TUT4: variants seen among roughly 807,000 people sequenced by gnomAD.
The protein encoded by TUT4 is terminal uridylyltransferase 4.
In TUT4, 36 loss-of-function variants were observed where a neutral mutation model predicts 192.2. The observed-to-expected ratio is 0.19, with a 90% CI of 0.14 to 0.25. The LOEUF (loss-of-function observed/expected upper bound fraction) is 0.25. TUT4 is among the 10% of genes least tolerant of loss of function. The pLI, the probability that TUT4 is intolerant of heterozygous loss-of-function variation, is 1.00. For missense variants in TUT4, 1,493 were observed against 1,957.2 expected (o/e 0.76, Z 4.47); for synonymous variants, 618 against 666.0 (o/e 0.93, Z 1.11).
chr1:52,526,293 T>C lies in TUT4; in HGVS notation c.-13A>G, dbSNP rs1289111304. ...TAGACTCTTCCATTATTTGAAAATC[T>C]GTTTCTTTCCAATTGTGATATTATA... On this transcript the variant is annotated 5_prime_UTR_variant, in exon 2 of 30. Transcript: ENST00000257177. The C allele has an allele frequency of 6.7e-7, 1 of 1,486,116 alleles. No homozygotes were observed. The allele number at this position is 1,486,116 out of a possible 1,614,324, so 92.1% of individuals were successfully genotyped here. A position where few individuals can be genotyped will look rare whatever the true frequency, so the allele number is the denominator to read the frequency against.
chr1:52,531,360 G>T (rs1484458266), intron 1 of TUT4, among the ~76,000 whole-genome samples: 8 of 151,916 alleles, frequency 5.3e-5, no homozygotes, highest in Admixed American at 5.3e-4. Context: ...TGGACTGGGG[G>T]GCCACACTTA....
intron 1 of TUT4, among the ~76,000 whole-genome samples, chr1:52,542,783 CAG>C (rs2149688901): frequency 6.7e-6 from 1 of 149,796 alleles, no homozygotes; most frequent in South Asian, 2.1e-4. Flanking sequence ...TTTTTTGAGG[CAG>C]AGTTTCACTC....
intron 3 of TUT4, chr1:52,515,685 A>T: frequency 1.5e-6 from 1 of 648,726 alleles, no homozygotes; most frequent in Non-Finnish European, 2.7e-6. Flanking sequence ...GAATGAAGTC[A>T]GACTCACAGA....
intron 11 of TUT4, among the ~76,000 whole-genome samples, chr1:52,478,408 A>G (rs868587401): frequency 2.2e-4 from 34 of 152,220 alleles, no homozygotes; most frequent in African/African-American, 7.7e-4. Context: ...TATGTCCCTG[A>G]CATTGTTAGG....
rs1398487590 is a variant in TUT4, at chr1:52,438,333, C to T, written c.3825G>A (p.Glu1275=). 1.9e-6 allele frequency: 3 copies of T among 1,603,868 alleles called. No individual in the cohort carries two copies. The highest frequency in any genetic ancestry group is 2.3e-5 in the South Asian group (2 of 88,562). Residue 1275 remains glutamate (E), a splice_region_variant and synonymous_variant, in exon 25 of 30, where the codon GAG becomes GAA. Coordinates refer to ENST00000257177, the MANE Select transcript of TUT4 (RefSeq NM_001009881.3). ...PFYPLIGREA[E]YFFDSRVLTD... is the part of the protein sequence containing the mutation. ...TTAATACTCTGGAATCAAAGAAGTA[C>T]TCCTAGGGAGAAAATGCAATTTTAC... is the stretch of plus-strand genomic sequence containing the variant.
rs773394072 is a variant in TUT4 at position 52,458,351 on chromosome 1, G to A, written c.3420C>T (p.Ile1140=). The part of the protein sequence containing the change: ...YFLQQRKPPV[I]PVLQEIFDGK... Reference sequence around the variant, plus strand: ...AAACACCTACCTCTTGTAGAACTGGGATAACAGGTGGCTTTCTCTGCTGCA... The same window carrying A: ...AAACACCTACCTCTTGTAGAACTGGAATAACAGGTGGCTTTCTCTGCTGCA... The change falls in exon 20 of 30, where the codon ATC becomes ATT. Residue 1140 remains isoleucine, a synonymous_variant. Coordinates refer to ENST00000257177, the MANE Select transcript of TUT4 (RefSeq NM_001009881.3). 3.1e-6 allele frequency: 5 copies of A among 1,613,348 alleles called. No individual in the cohort carries two copies. Among genetic ancestry groups the A allele is most frequent in the Non-Finnish European group, 4.2e-6 (5 of 1,179,588 alleles).
intron 8 of TUT4, 81 bp from the exon 9 acceptor site, chr1:52,489,116 T>C (rs1332263884): frequency 2.3e-5 from 32 of 1,405,474 alleles, no homozygotes; most frequent in Non-Finnish European, 3.0e-5. Context: ...CTATTTTCTT[T>C]CTAGTTATCA....
At chr1:52,522,115 T>C (rs1211341534) in intron 2 of TUT4, among the ~76,000 whole-genome samples, 1 of 152,222 alleles carries the variant, frequency 6.6e-6, no homozygotes, top group Non-Finnish European at 1.5e-5. Context: ...CGTATAAACA[T>C]GACTTCAAGG....
At chr1:52,543,592 TC>T in intron 1 of TUT4, among the ~76,000 whole-genome samples, 1 of 151,408 alleles carries the variant, frequency 6.6e-6, no homozygotes, top group Non-Finnish European at 1.5e-5. Flanking sequence ...CAAGCGATTC[TC>T]CTGCCTCAGC....
upstream of TUT4, chr1:52,553,354 A>C: frequency 7.8e-6 from 1 of 127,996 alleles, no homozygotes. Flanking sequence ...GGGGGGAAAC[A>C]GCACTGGGGG....
At chr1:52,458,491 C>T in intron 19 of TUT4, 42 bp from the exon 20 acceptor site, 1 of 1,447,984 alleles carries the variant, frequency 6.9e-7, no homozygotes, top group Non-Finnish European at 9.7e-7. Flanking sequence ...CAGAGTCTTA[C>T]TCCATGCAGA....
chr1:52,501,015 A>C (rs1452223500), intron 4 of TUT4, among the ~76,000 whole-genome samples: 1 of 152,218 alleles, frequency 6.6e-6, no homozygotes, highest in Non-Finnish European at 1.5e-5. Context: ...CCTAGAAAAA[A>C]ACAGAAGGTA....
At position 52,475,354 on chromosome 1, in the gene TUT4, T is replaced by C; in HGVS notation, c.2205A>G (p.Pro735=). The part of the protein sequence containing the change: ...REKGKISNKK[P]VKSNNMATNG... ...TGGTTGCCATATTGTTCGACTTGAC[T>C]GGTTTCTTATTGCTTATTTTCCCCT... The change falls in exon 13 of 30, where the codon CCA becomes CCG. Residue 735 remains proline, a synonymous_variant. Coordinates refer to ENST00000257177, the MANE Select transcript of TUT4 (RefSeq NM_001009881.3). 1 of 1,614,176 alleles carries C rather than the reference T, an allele frequency of 6.2e-7. No individual in the cohort carries two copies. Among genetic ancestry groups the C allele is most frequent in the Non-Finnish European group, 8.5e-7 (1 of 1,180,022 alleles).
Position 52,445,863 on chromosome 1 carries a change from T to C in TUT4, c.3746A>G (p.Asn1249Ser), listed in dbSNP as rs1031006944. The change falls in exon 24 of 30, where the codon AAT (asparagine) becomes AGT (serine). Residue 1249 changes from asparagine (N) to serine (S), a missense_variant. Physicochemically the swap from Asn to Ser is conservative, Grantham distance 46. Around this residue, in one of 7 missense-constraint regions of TUT4, gnomAD observed 141 missense variants for 382.7 expected, o/e 0.37. Coordinates refer to ENST00000257177, the MANE Select transcript of TUT4 (RefSeq NM_001009881.3). Reference protein sequence around the residue: ...LGAGVSRKMTNFIMKAFINGR... With the variant: ...LGAGVSRKMTSFIMKAFINGR... ...ATTGATAAATGCTTTCATGATGAAA[T>C]TGGTCACTATTAAAGAAAGAAGAAA... The C allele has an allele frequency of 1.9e-6, 3 of 1,611,860 alleles. No homozygotes were observed. The highest frequency in any genetic ancestry group is 1.7e-6 in the Non-Finnish European group (2 of 1,178,936).
rs370522855 is a variant in TUT4 at position 52,464,402 on chromosome 1, G to A, written c.3069+668C>T. Among the ~76,000 whole-genome samples the A allele has an allele frequency of 5.9e-5, 9 of 152,018 alleles. No individual in the cohort carries two copies. In the East Asian group the frequency reaches 9.7e-4, roughly 16 times the overall value. On this transcript the variant is annotated intron_variant, in intron 16 of 29. Transcript: ENST00000257177. ...CCTGAGTAGCTGGGACTACAGGCGCGTGCCACCATGCCCAGCTAATTTTTT... is the reference window on the plus strand; with the variant it reads ...CCTGAGTAGCTGGGACTACAGGCGCATGCCACCATGCCCAGCTAATTTTTT...
Position 52,475,265 on chromosome 1 carries a change from T to C in TUT4, c.2294A>G (p.Gln765Arg). 1 of 1,614,202 alleles carries C rather than the reference T, an allele frequency of 6.2e-7. No homozygotes were observed. The highest frequency in any genetic ancestry group is 8.5e-7 in the Non-Finnish European group (1 of 1,180,032). The part of the protein sequence containing the change: ...KINAEREQPV[Q>R]CDEMDCTSQR... ...TGATGTACAGTCCATTTCATCACAT[T>C]GAACAGGTTGCTCTCTTTCTGCATT... Residue 765 changes from glutamine (Q) to arginine (R), a missense_variant, in exon 13 of 30, where the codon CAA (glutamine) becomes CGA (arginine). Physicochemically the swap from Gln to Arg is conservative, Grantham distance 43. This residue lies in a region of TUT4 where 245 missense variants were observed against 218.4 expected (regional missense o/e 1.12). Transcript: ENST00000257177.
chr1:52,458,675 TACAAACAA>T (rs944823219), intron 19 of TUT4, among the ~76,000 whole-genome samples: 1 of 151,854 alleles, frequency 6.6e-6, no homozygotes, highest in African/African-American at 2.4e-5. Flanking sequence ...GACCCCATCT[TACAAACAA>T]ACAAACAAAC....
Position 52,468,287 on chromosome 1 carries a change from AAAAAAGG to A in TUT4, c.2879-27_2879-21del. 6.5e-7 allele frequency: 1 copy of A among 1,537,982 alleles called. No individual in the cohort carries two copies. Among genetic ancestry groups the A allele is most frequent in the Non-Finnish European group, 8.8e-7 (1 of 1,142,466 alleles). ...ACTCATCTGGGTTTATAAAAAGAAG[AAAAAAGG>A]AAAAAGAAAAGTAAGGAAAACAGAA... On this transcript the variant is annotated intron_variant, in intron 14 of 29. Coordinates refer to ENST00000257177, the MANE Select transcript of TUT4 (RefSeq NM_001009881.3).
In TUT4 at chr1:52,525,145, GTTTT is replaced by G. The variant is rs558046105; in HGVS notation, c.718+414_718+417del. 2.7e-4 allele frequency among the ~76,000 whole-genome samples: 40 copies of G among 147,598 alleles called. 1 individual carries two copies. The South Asian group carries it at 6.6e-3, about 25-fold the overall frequency. On this transcript the variant is annotated intron_variant, in intron 2 of 29. Coordinates refer to ENST00000257177, the MANE Select transcript of TUT4 (RefSeq NM_001009881.3). ...GCTTCCTTGAAGTTTAGGGCTATGGGTTTTTTTGTTTGTTTGTTTTGGTTTTCCA... is the reference window on the plus strand; with the variant it reads ...GCTTCCTTGAAGTTTAGGGCTATGGGTTTGTTTGTTTGTTTTGGTTTTCCA...
Sources: allele counts gnomAD v4.1 joint callset (sites outside exome capture counted in the v4.1 genomes callset), GRCh38; gene constraint gnomAD v4.1.1; regional missense constraint gnomAD v4.1.1; transcripts MANE v1.5; gene names NCBI Gene and HGNC (gene_info 2026-07-23, HGNC 2026-07-21).